XPO7: variants seen among roughly 807,000 people sequenced by gnomAD.
XPO7 encodes exportin 7.
In XPO7, 21 loss-of-function variants were observed where a neutral mutation model predicts 144.3. The observed-to-expected ratio is 0.15, with a 90% confidence interval of 0.10 to 0.21. The LOEUF (loss-of-function observed/expected upper bound fraction) is 0.21. Ranked by LOEUF, XPO7 falls within the 10% of genes least tolerant of loss-of-function variation. The probability of loss-of-function intolerance (pLI) is 1.00; values close to 1 mark genes in which losing one functional copy is unlikely to be tolerated. For missense variants in XPO7, 808 were observed against 1,325.8 expected (o/e 0.61, Z 6.06); for synonymous variants, 580 against 499.6 (o/e 1.16, Z -2.15).
intron 1 of XPO7, 123 bp from the exon 2 acceptor site, chr8:21,966,731 TCTC>T: frequency 7.6e-7 from 1 of 1,319,948 alleles, no homozygotes; most frequent in Non-Finnish European, 1.0e-6. Flanking sequence ...TTACCCAGGT[TCTC>T]CTCAGTTCAG....
At chr8:21,979,797 CTT>C (rs937432934) in intron 8 of XPO7, among the ~76,000 whole-genome samples, 3 of 152,098 alleles carry the variant, frequency 2.0e-5, no homozygotes, top group Non-Finnish European at 4.4e-5. Flanking sequence ...AAATCTAAAA[CTT>C]TAAAGTATAA....
chr8:22,004,863 A>G, intron 27 of XPO7, 132 bp from the exon 28 acceptor site: 2 of 572,876 alleles, frequency 3.5e-6, no homozygotes, highest in Non-Finnish European at 6.0e-6. Flanking sequence ...TAAGACTGAA[A>G]TTAACTGATC....
chr8:22,000,429 T>C (rs915485512), intron 24 of XPO7, among the ~76,000 whole-genome samples: 1 of 151,966 alleles, frequency 6.6e-6, no homozygotes, highest in Non-Finnish European at 1.5e-5. Flanking sequence ...GTCAACCATT[T>C]TGTTTCTAGG....
intron 5 of XPO7, among the ~76,000 whole-genome samples, chr8:21,974,109 T>C (rs1400554349): frequency 5.3e-5 from 8 of 150,606 alleles, no homozygotes; most frequent in Non-Finnish European, 1.0e-4. Context: ...CAGGCTGGAG[T>C]GCAGTGCAGC....
rs753537484 is a variant in XPO7, at chr8:22,002,228, C to A, written c.2899C>A (p.Arg967Ser). 1.2e-6 allele frequency: 2 copies of A among 1,613,234 alleles called. No individual in the cohort carries two copies. Among genetic ancestry groups the A allele is most frequent in the Admixed American group, 1.7e-5 (1 of 59,942 alleles). Residue 967 changes from arginine (R) to serine (S), a missense_variant, in exon 25 of 28, where the codon CGC becomes AGC. Arg to Ser is a moderately radical substitution (Grantham distance 110, BLOSUM62 -1). This residue lies in a region of XPO7 where 140 missense variants were observed against 237.9 expected (regional missense o/e 0.59). Transcript: ENST00000252512. ...RTTPLNQESD[R>S]FLHIMQQHPE... ...CACACCCCTGAACCAGGAGAGCGAC[C>A]GCTTTCTGCACATCATGCAGCAGCA...
At chr8:21,989,411 CT>C (rs1812686345) in intron 16 of XPO7, among the ~76,000 whole-genome samples, 1 of 152,184 alleles carries the variant, frequency 6.6e-6, no homozygotes, top group South Asian at 2.1e-4. Flanking sequence ...AGACAAACTC[CT>C]TCTTAGGTTG....
At chr8:21,990,966 C>A in intron 18 of XPO7, 47 bp downstream of exon 18, 1 of 1,554,028 alleles carries the variant, frequency 6.4e-7, no homozygotes, top group East Asian at 2.3e-5. Flanking sequence ...TGGCACTCTT[C>A]TAAATTTTTA....
chr8:21,939,927 A>T (rs774712283), intron 1 of XPO7, among the ~76,000 whole-genome samples: 1 of 152,252 alleles, frequency 6.6e-6, no homozygotes, highest in Non-Finnish European at 1.5e-5. Flanking sequence ...TAAGAACATT[A>T]TATTTTGTAA....
Position 21,934,656 on chromosome 8 carries a change from G to A in XPO7, c.18+14868G>A, listed in dbSNP as rs17500365. 9.5e-3 allele frequency among the ~76,000 whole-genome samples: 1,444 copies of A among 152,332 alleles called. 5 individuals carry two copies. Among genetic ancestry groups the A allele is most frequent in the Non-Finnish European group, 0.015 (1,010 of 68,026 alleles). On this transcript the variant is annotated intron_variant, in intron 1 of 27. Transcript: ENST00000252512. Reference sequence around the variant, plus strand: ...GAAATGACATGTTGAAAGTTCCTGAGGAGACAAAGACGTGGATGAACTGTA... The same window carrying A: ...GAAATGACATGTTGAAAGTTCCTGAAGAGACAAAGACGTGGATGAACTGTA...
At chr8:21,953,442 G>A (rs572188031) in intron 1 of XPO7, among the ~76,000 whole-genome samples, 81 of 152,260 alleles carry the variant, frequency 5.3e-4, no homozygotes, top group Admixed American at 1.2e-3. Context: ...TCTTTTTGTA[G>A]CCAAGTTTTG....
chr8:21,995,066 AT>A (rs1812901048), intron 20 of XPO7, among the ~76,000 whole-genome samples: 4 of 97,454 alleles, frequency 4.1e-5, no homozygotes, highest in African/African-American at 1.5e-4. Context: ...AAAAAAATAA[AT>A]AATAATAATA....
chr8:21,996,559 T>C (rs117106707), intron 21 of XPO7, among the ~76,000 whole-genome samples: 3,132 of 152,250 alleles, frequency 0.021, 36 homozygotes, highest in South Asian at 0.038. Context: ...GTTAGAGACA[T>C]TGAGAAGGAT....
In XPO7 at chr8:21,919,682, ACGGCGTCGGCGG is replaced by A. The variant is rs1311919140; in HGVS notation, c.-83_-72del. 2 of 182,720 alleles carry A rather than the reference ACGGCGTCGGCGG, an allele frequency of 1.1e-5. No homozygotes were observed. The highest frequency in any genetic ancestry group is 2.4e-5 in the Non-Finnish European group (2 of 82,936). 11.3% of individuals were successfully genotyped at this position (182,720 alleles called of 1,614,324 possible). The stretch of plus-strand genomic sequence containing the variant: ...TCCCCAGCGCGCAGGCGCAGCGGCG[ACGGCGTCGGCGG>A]CGGCGGCGGCAGCGGCTCCGGCCGA... On this transcript the variant is annotated 5_prime_UTR_variant, in exon 1 of 28. Transcript: ENST00000252512.
At chr8:21,951,249 C>A (rs757720475) in intron 1 of XPO7, among the ~76,000 whole-genome samples, 17 of 151,720 alleles carry the variant, frequency 1.1e-4, no homozygotes, top group Non-Finnish European at 2.4e-4. Context: ...ATGCTCACCT[C>A]TTTGGTTAAG....
chr8:22,005,283 G>A lies in XPO7; in HGVS notation c.*195G>A. The A allele has an allele frequency of 2.6e-6, 1 of 388,516 alleles. No individual in the cohort carries two copies. Among genetic ancestry groups the A allele is most frequent in the Non-Finnish European group, 4.6e-6 (1 of 217,800 alleles). The allele number at this position is 388,516 out of a possible 1,614,324, so 24.1% of individuals were successfully genotyped here. A position where few individuals can be genotyped will look rare whatever the true frequency, so the allele number is the denominator to read the frequency against. ...ACTCACTAGGGGGCAGGGCGCTGCT[G>A]GTTCCTGGGGGACTGGGTGGGAAGG... is the stretch of plus-strand genomic sequence containing the variant. On this transcript the variant is annotated 3_prime_UTR_variant, in exon 28 of 28. Coordinates refer to ENST00000252512, the MANE Select transcript of XPO7 (RefSeq NM_015024.5).
In XPO7 at chr8:21,995,440, A is replaced by C. The variant is rs1284575729; in HGVS notation, c.2238-52A>C. The C allele has an allele frequency of 2.0e-6, 3 of 1,501,736 alleles. No homozygotes were observed. The Admixed American group carries it at 6.0e-5, about 30-fold the overall frequency. The allele number at this position is 1,501,736 out of a possible 1,614,324, so 93.0% of individuals were successfully genotyped here. Reference sequence around the variant, plus strand: ...TGGCTAGTGCTGAAAAACTATTTTAAATTCTGTACCTTTCTGGAATCAGAA... The same window carrying C: ...TGGCTAGTGCTGAAAAACTATTTTACATTCTGTACCTTTCTGGAATCAGAA... On this transcript the variant is annotated intron_variant, in intron 20 of 27. Coordinates refer to ENST00000252512, the MANE Select transcript of XPO7 (RefSeq NM_015024.5).
intron 21 of XPO7, among the ~76,000 whole-genome samples, chr8:21,996,483 C>T (rs931507997): frequency 2.0e-5 from 3 of 152,228 alleles, no homozygotes; most frequent in Non-Finnish European, 2.9e-5. Flanking sequence ...AACCAAGATT[C>T]TGATTTCCTG....
At chr8:21,970,649 T>TTTA (rs2117332391) in intron 4 of XPO7, among the ~76,000 whole-genome samples, 1 of 152,318 alleles carries the variant, frequency 6.6e-6, no homozygotes, top group African/African-American at 2.4e-5. Flanking sequence ...GTACATATAT[T>TTTA]TTGAATAAGT....
At chr8:21,976,313 A>C in intron 6 of XPO7, 43 bp from the exon 7 acceptor site, 1 of 1,596,050 alleles carries the variant, frequency 6.3e-7, no homozygotes, top group Non-Finnish European at 8.5e-7. Flanking sequence ...AGCTGGGAAG[A>C]GAGGAGTGAT....
Sources: gnomAD v4.1 joint callset for allele counts (sites outside exome capture counted in the v4.1 genomes callset) on GRCh38, gnomAD v4.1.1 for gene constraint, gnomAD v4.1.1 regional missense constraint, MANE v1.5 for transcripts, NCBI Gene and HGNC (gene_info 2026-07-23, HGNC 2026-07-21) for gene names.